TMEM165: variants seen among roughly 807,000 people sequenced by gnomAD.
TMEM165 encodes the protein putative divalent cation/proton antiporter TMEM165.
In TMEM165, 19 loss-of-function variants were observed where a neutral mutation model predicts 30.0. The ratio of observed to expected loss-of-function variants is 0.63; its 90% confidence interval spans 0.44 to 0.93. The LOEUF (loss-of-function observed/expected upper bound fraction) is 0.93. TMEM165 is among the 40% of genes least tolerant of loss of function. The probability of loss-of-function intolerance (pLI) is 0.00; values close to 1 mark genes in which losing one functional copy is unlikely to be tolerated. For synonymous variants in TMEM165, 168 were observed against 162.9 expected (o/e 1.03, Z -0.24); for missense variants, 340 against 417.0 (o/e 0.82, Z 1.61).
intron 1 of TMEM165, among the ~76,000 whole-genome samples, chr4:55,404,373 C>T (rs1721184681): frequency 6.6e-6 from 1 of 151,944 alleles, no homozygotes; most frequent in African/African-American, 2.4e-5. Flanking sequence ...GCTGCTTTTT[C>T]ACTTTACTTT....
At chr4:55,402,220 A>G (rs1186781154) in intron 1 of TMEM165, among the ~76,000 whole-genome samples, 1 of 147,090 alleles carries the variant, frequency 6.8e-6, no homozygotes, top group Non-Finnish European at 1.5e-5. Context: ...AACAAAAAAT[A>G]ATTTTATTAC....
intron 4 of TMEM165, chr4:55,423,829 T>C (rs1722084621): frequency 6.6e-6 from 1 of 152,414 alleles, no homozygotes; most frequent in South Asian, 2.1e-4. Flanking sequence ...CTCCCTCACC[T>C]GGACTCCCAC....
At chr4:55,406,554 T>C (rs1312630620) in intron 1 of TMEM165, among the ~76,000 whole-genome samples, 1 of 152,242 alleles carries the variant, frequency 6.6e-6, no homozygotes, top group Non-Finnish European at 1.5e-5. Context: ...ATTTTCTATA[T>C]TAGTGTATAG....
chr4:55,437,944 G>A (rs1039398458), intron 3 of TMEM165, among the ~76,000 whole-genome samples: 1 of 152,108 alleles, frequency 6.6e-6, no homozygotes, highest in African/African-American at 2.4e-5. Context: ...CAGAGTTTAT[G>A]GTTGGCTAGA....
intron 3 of TMEM165, among the ~76,000 whole-genome samples, chr4:55,449,805 C>A (rs1724257062): frequency 1.5e-5 from 2 of 134,012 alleles, no homozygotes; most frequent in African/African-American, 2.5e-5. Flanking sequence ...CACTTACTGG[C>A]CCTACAGTAA....
At chr4:55,423,803 C>G (rs1287828411) in intron 4 of TMEM165, 3 of 152,348 alleles carry the variant, frequency 2.0e-5, no homozygotes, top group Non-Finnish European at 4.4e-5. Context: ...AGTTTAAACT[C>G]CAAGATGATA....
intron 1 of TMEM165, among the ~76,000 whole-genome samples, chr4:55,407,344 A>C (rs1721310950): frequency 6.6e-6 from 1 of 152,196 alleles, no homozygotes; most frequent in Admixed American, 6.5e-5. Context: ...TGTGGCTGTG[A>C]GCACTTGATA....
intron 4 of TMEM165, chr4:55,424,100 T>C (rs1414907496): frequency 6.4e-6 from 1 of 156,594 alleles, no homozygotes; most frequent in African/African-American, 2.4e-5. Context: ...TGAGGCAGGG[T>C]TTCTGTTCCC....
At chr4:55,430,525 C>G (rs1008177481), downstream of TMEM165, 8 of 152,162 alleles carry the variant, frequency 5.3e-5, no homozygotes, top group African/African-American at 1.9e-4. Context: ...CAAAATTCAT[C>G]CCCAGTGTTT....
chr4:55,396,396 G>A lies in TMEM165; in HGVS notation c.207G>A (p.Glu69=). 1 of 1,479,800 alleles carries A rather than the reference G, an allele frequency of 6.8e-7. No individual in the cohort carries two copies. Among genetic ancestry groups the A allele is most frequent in the African/African-American group, 1.5e-5 (1 of 68,360 alleles). The allele number at this position is 1,479,800 out of a possible 1,614,324, so 91.7% of individuals were successfully genotyped here. Reference sequence around the variant, plus strand: ...AGGGCCCCGAGCCGGCCCGGGTCGAGGTGAGCGGGCCGGGATGGGGCGAGC... The same window carrying A: ...AGGGCCCCGAGCCGGCCCGGGTCGAAGTGAGCGGGCCGGGATGGGGCGAGC... ...AVQGPEPARV[E]KIFTPAAPVH... is the part of the protein sequence containing the mutation. Residue 69 remains glutamate (E), a splice_region_variant and synonymous_variant, in exon 1 of 6, where the codon GAG becomes GAA. Coordinates refer to ENST00000381334, the MANE Select transcript of TMEM165 (RefSeq NM_018475.5).
At position 55,424,620 on chromosome 4, in the gene TMEM165, C is replaced by A. The variant is rs1016899022; in HGVS notation, c.875C>A (p.Ala292Glu). ...GCAGTAATTGGAGGAAGAATGATAG[C>A]ACAGAAAATCTCTGTCAGAACTGGT... ...GLAVIGGRMIAQKISVRTVTI... is the reference protein window; with the variant it reads ...GLAVIGGRMIEQKISVRTVTI... Residue 292 changes from alanine (A) to glutamate (E), a missense_variant, in exon 5 of 6, where the codon GCA (alanine) becomes GAA (glutamate). Physicochemically the swap from Ala to Glu is moderately radical, Grantham distance 107. Coordinates refer to ENST00000381334, the MANE Select transcript of TMEM165 (RefSeq NM_018475.5). 2.5e-6 allele frequency: 4 copies of A among 1,610,904 alleles called. No individual in the cohort carries two copies. The highest frequency in any genetic ancestry group is 2.5e-6 in the Non-Finnish European group (3 of 1,177,066).
rs71194554 is a variant in TMEM165 at position 55,402,795 on chromosome 4, C to CTTT, written c.207+6411_207+6413dup. 1.4e-4 allele frequency among the ~76,000 whole-genome samples: 10 copies of CTTT among 71,410 alleles called. 1 individual carries two copies. The highest frequency in any genetic ancestry group is 1.9e-4 in the African/African-American group (3 of 15,840). 46.8% of individuals were successfully genotyped at this position (71,410 alleles called of 152,430 possible). A position where few individuals can be genotyped will look rare whatever the true frequency, so the allele number is the denominator to read the frequency against. The stretch of plus-strand genomic sequence containing the variant: ...ACATTTTTACAACTTTTAAAAAAAG[C>CTTT]TTTTTTTTTTTTTTGAGACGGAGTC... On this transcript the variant is annotated intron_variant, in intron 1 of 5. Coordinates refer to ENST00000381334, the MANE Select transcript of TMEM165 (RefSeq NM_018475.5).
chr4:55,444,771 A>G (rs143619255), intron 3 of TMEM165: 107 of 1,613,870 alleles, frequency 6.6e-5, no homozygotes, highest in Non-Finnish European at 8.6e-5. Flanking sequence ...CTCCTAATTG[A>G]GCTGAAAACT....
At position 55,417,165 on chromosome 4, in the gene TMEM165, G is replaced by A. The variant is rs140292015; in HGVS notation, c.527G>A (p.Arg176Gln). 1.9e-5 allele frequency: 31 copies of A among 1,613,766 alleles called. No homozygotes were observed. In the South Asian group the frequency reaches 2.0e-4, roughly 10 times the overall value. The stretch of plus-strand genomic sequence containing the variant: ...GCCATTTTTGGCATTAGAATGCTTC[G>A]GGAAGGCTTAAAGATGAGCCCTGAT... ...LFAIFGIRML[R>Q]EGLKMSPDEG... is the part of the protein sequence containing the mutation. The change falls in exon 3 of 6, where the codon CGG becomes CAG. Residue 176 changes from arginine (R) to glutamine (Q), a missense_variant. Around this residue, in one of 2 missense-constraint regions of TMEM165, gnomAD observed 220 missense variants for 307.6 expected, o/e 0.72. Coordinates refer to ENST00000381334, the MANE Select transcript of TMEM165 (RefSeq NM_018475.5).
In TMEM165 at chr4:55,425,529, A is replaced by T; in HGVS notation, c.*77A>T. The T allele has an allele frequency of 8.7e-7, 1 of 1,148,780 alleles. No homozygotes were observed. The highest frequency in any genetic ancestry group is 1.4e-5 in the South Asian group (1 of 73,494). 71.2% of individuals were successfully genotyped at this position (1,148,780 alleles called of 1,614,324 possible). ...TGTACATAGTGTACATTACAACTAA[A>T]AGTGATGGAAAAATACTGTATTTTG... On this transcript the variant is annotated 3_prime_UTR_variant, in exon 6 of 6. Coordinates refer to ENST00000381334, the MANE Select transcript of TMEM165 (RefSeq NM_018475.5).
At chr4:55,406,178 C>T (rs1472906942) in intron 1 of TMEM165, among the ~76,000 whole-genome samples, 2 of 152,160 alleles carry the variant, frequency 1.3e-5, no homozygotes, top group Non-Finnish European at 2.9e-5. Context: ...AAATACAGAG[C>T]AGTGCTTTTT....
chr4:55,407,260 G>C (rs1721308418), intron 1 of TMEM165, among the ~76,000 whole-genome samples: 1 of 152,124 alleles, frequency 6.6e-6, no homozygotes, highest in Non-Finnish European at 1.5e-5. Flanking sequence ...GTGGCTGAAG[G>C]CTTGTGGTTA....
At chr4:55,443,580 T>G (rs1723546450) in intron 3 of TMEM165, 1 of 886,408 alleles carries the variant, frequency 1.1e-6, no homozygotes, top group African/African-American at 1.7e-5. Flanking sequence ...TAAATACTAT[T>G]AAATTTTGAA....
chr4:55,448,994 A>T, intron 3 of TMEM165: 6 of 763,882 alleles, frequency 7.9e-6, no homozygotes, highest in Non-Finnish European at 1.1e-5. Flanking sequence ...TTGTTAGCTG[A>T]ATACAGCTAT....
Sources: gnomAD v4.1 joint callset for allele counts (sites outside exome capture counted in the v4.1 genomes callset) on GRCh38, gnomAD v4.1.1 for gene constraint, gnomAD v4.1.1 regional missense constraint, MANE v1.5 for transcripts, NCBI Gene and HGNC (gene_info 2026-07-23, HGNC 2026-07-21) for gene names.